ZNF322: variants seen among roughly 807,000 people sequenced by gnomAD.
The protein encoded by ZNF322 is HLA complex group 12.
A neutral mutation model predicts 18.3 loss-of-function variants in ZNF322; 1 was observed. That is an observed-to-expected ratio of 0.05 (90% CI 0.02 to 0.26). The LOEUF is 0.26. Among genes scored for constraint, ZNF322 ranks in the 10% least tolerant of loss-of-function variants. The pLI is 1.00. For synonymous variants in ZNF322, 17 were observed against 130.7 expected (o/e 0.13, Z 5.93); for missense variants, 36 against 403.6 (o/e 0.09, Z 7.80).
chr6:26,653,830 T>C (rs1232346796), intron 2 of ZNF322, among the ~76,000 whole-genome samples: 1 of 152,154 alleles, frequency 6.6e-6, no homozygotes, highest in African/African-American at 2.4e-5. Context: ...ATATTTTTAC[T>C]TTTAGAATTA....
chr6:26,640,007 C>T (rs1765439324), intron 3 of ZNF322, among the ~76,000 whole-genome samples: 1 of 152,114 alleles, frequency 6.6e-6, no homozygotes, highest in South Asian at 2.1e-4. Context: ...AAGGACATCA[C>T]TCTAGCAATT....
chr6:26,640,371 T>G (rs1554148185), intron 3 of ZNF322, among the ~76,000 whole-genome samples: 1 of 152,182 alleles, frequency 6.6e-6, no homozygotes. Context: ...ACTTACTCAT[T>G]GCACTCCAGT....
At chr6:26,645,888 G>A (rs986218141) in intron 2 of ZNF322, among the ~76,000 whole-genome samples, 2 of 151,728 alleles carry the variant, frequency 1.3e-5, no homozygotes, top group African/African-American at 4.8e-5. Flanking sequence ...AAAATTAGCC[G>A]GGTGTGGTGG....
intron 2 of ZNF322, among the ~76,000 whole-genome samples, chr6:26,645,300 C>T (rs1324072133): frequency 1.3e-5 from 2 of 152,168 alleles, no homozygotes; most frequent in Admixed American, 1.3e-4. Context: ...CACCAAATCC[C>T]ATATAGCTGT....
At chr6:26,643,624 G>A (rs1376713408) in intron 3 of ZNF322, 35 bp downstream of exon 3, 6 of 156,632 alleles carry the variant, frequency 3.8e-5, no homozygotes, top group Non-Finnish European at 8.8e-5. Context: ...GAAAGAGAAG[G>A]GATACTTCAA....
chr6:26,638,675 C>T lies in ZNF322; in HGVS notation c.-122G>A. On this transcript the variant is annotated 5_prime_UTR_variant, in exon 4 of 4. Coordinates refer to ENST00000415922, the MANE Select transcript of ZNF322 (RefSeq NM_024639.5). ...TGTTTCAGGCCTTTCAATCATGAGC[C>T]TCTACAAGTTTCCAGCATCATATAT... 1.2e-6 allele frequency: 1 copy of T among 865,088 alleles called. No individual in the cohort carries two copies. Among genetic ancestry groups the T allele is most frequent in the Non-Finnish European group, 1.8e-6 (1 of 550,710 alleles). 53.6% of individuals were successfully genotyped at this position (865,088 alleles called of 1,614,324 possible).
intron 2 of ZNF322, among the ~76,000 whole-genome samples, chr6:26,649,198 G>C (rs1554148938): frequency 6.6e-6 from 1 of 151,832 alleles, no homozygotes; most frequent in African/African-American, 2.4e-5. Flanking sequence ...GACTATGAAG[G>C]GTAACTAAAC....
chr6:26,653,960 G>GA (rs539927726), intron 2 of ZNF322, among the ~76,000 whole-genome samples: 7 of 150,468 alleles, frequency 4.7e-5, no homozygotes, highest in East Asian at 2.0e-4. Flanking sequence ...ACACAGAAGA[G>GA]AAAAAAAAAT....
chr6:26,651,535 T>A (rs1765668841), intron 2 of ZNF322: 1 of 152,226 alleles, frequency 6.6e-6, no homozygotes, highest in Admixed American at 6.5e-5. Flanking sequence ...TCTAGAGTTC[T>A]ACATCATGCC....
chr6:26,648,673 T>G (rs1188923690), intron 2 of ZNF322, among the ~76,000 whole-genome samples: 8 of 152,200 alleles, frequency 5.3e-5, no homozygotes, highest in African/African-American at 1.9e-4. Flanking sequence ...CACACAATGA[T>G]AGAGAACAAC....
intron 1 of ZNF322, 173 bp from the exon 2 acceptor site, chr6:26,658,819 C>T (rs1554149909): frequency 6.6e-6 from 1 of 152,294 alleles, no homozygotes; most frequent in South Asian, 2.1e-4. Context: ...GCAGGAAGTA[C>T]CTGCCACTGG....
Position 26,649,701 on chromosome 6 carries a change from A to AT in ZNF322, c.-245-5974dup, listed in dbSNP as rs1321909101. ...TATATATATATATATATATATATATATTTTTTTTTTTTTTTTTTTGAGACT... is the reference window on the plus strand; with the variant it reads ...TATATATATATATATATATATATATATTTTTTTTTTTTTTTTTTTTGAGACT... On this transcript the variant is annotated intron_variant, in intron 2 of 3. Transcript: ENST00000415922. Among the ~76,000 whole-genome samples, 265 of 76,792 alleles carry AT rather than the reference A, an allele frequency of 3.5e-3. 20 individuals carry two copies. The highest frequency in any genetic ancestry group is 7.3e-3 in the African/African-American group (130 of 17,788). The allele number at this position is 76,792 out of a possible 152,430, so 50.4% of individuals were successfully genotyped here.
At chr6:26,646,691 C>T (rs1156423981) in intron 2 of ZNF322, among the ~76,000 whole-genome samples, 2 of 152,054 alleles carry the variant, frequency 1.3e-5, no homozygotes, top group African/African-American at 4.8e-5. Context: ...TTATATTAAA[C>T]CGTATGTCCT....
rs558351850 is a variant in ZNF322, at chr6:26,658,550, C to G, written c.-246+8G>C. 2.4e-5 allele frequency: 4 copies of G among 165,864 alleles called. No homozygotes were observed. The East Asian group carries it at 7.7e-4, about 32-fold the overall frequency. The allele number at this position is 165,864 out of a possible 1,614,324, so 10.3% of individuals were successfully genotyped here. ...TTATACAGAAACAGAGCCTGGTATA[C>G]CACTTACCGTAACAAGAAAGACTCA... On this transcript the variant is annotated splice_region_variant and intron_variant, in intron 2 of 3. Transcript: ENST00000415922.
At chr6:26,654,776 G>C (rs1581497833) in intron 2 of ZNF322, among the ~76,000 whole-genome samples, 1 of 151,954 alleles carries the variant, frequency 6.6e-6, no homozygotes, top group Admixed American at 6.6e-5. Flanking sequence ...TCTACTGGAT[G>C]AAAAATTTTA....
chr6:26,657,800 T>C (rs782004090), intron 2 of ZNF322, among the ~76,000 whole-genome samples: 28 of 152,054 alleles, frequency 1.8e-4, no homozygotes, highest in Non-Finnish European at 2.8e-4. Context: ...CTGGTTCATC[T>C]AGCAAGCCCA....
intron 2 of ZNF322, among the ~76,000 whole-genome samples, chr6:26,647,417 C>G (rs1554148815): frequency 6.7e-6 from 1 of 148,818 alleles, no homozygotes; most frequent in African/African-American, 2.5e-5. Flanking sequence ...ACAGATAAAC[C>G]ACTAGGTTAC....
At chr6:26,656,293 T>C (rs1319303289) in intron 2 of ZNF322, among the ~76,000 whole-genome samples, 1 of 152,202 alleles carries the variant, frequency 6.6e-6, no homozygotes, top group African/African-American at 2.4e-5. Flanking sequence ...ACTTCAATAT[T>C]CTCTTTTTTC....
chr6:26,638,490 G>A lies in ZNF322; in HGVS notation c.64C>T (p.Pro22Ser), dbSNP rs1554148032. 1 of 1,610,918 alleles carries A rather than the reference G, an allele frequency of 6.2e-7. No homozygotes were observed. The highest frequency in any genetic ancestry group is 1.3e-5 in the African/African-American group (1 of 74,682). The change falls in exon 4 of 4, where the codon CCT becomes TCT. Residue 22 changes from proline to serine, a missense_variant. Physicochemically the swap from Pro to Ser is moderately conservative, Grantham distance 74. Coordinates refer to ENST00000415922, the MANE Select transcript of ZNF322 (RefSeq NM_024639.5). ...TQKRKIYNVC[P>S]RKGKKIFIHM... ...ATAAAAATCTTTTTACCCTTCCGAG[G>A]GCATACATTATATATTTTCCTTTTT... is the stretch of plus-strand genomic sequence containing the variant.
Sources: gnomAD v4.1 joint callset for allele counts (sites outside exome capture counted in the v4.1 genomes callset) on GRCh38, gnomAD v4.1.1 for gene constraint, MANE v1.5 for transcripts, NCBI Gene and HGNC (gene_info 2026-07-23, HGNC 2026-07-21) for gene names.